CNBD1: variants seen among roughly 807,000 people sequenced by gnomAD.
The protein encoded by CNBD1 is cyclic nucleotide binding domain containing 1, also known as cyclic nucleotide-binding domain-containing protein 1.
Under a neutral mutation model 54.4 loss-of-function variants are expected in CNBD1, and 71 were observed. That is an observed-to-expected ratio of 1.30 (90% CI 1.08 to 1.59). The LOEUF (loss-of-function observed/expected upper bound fraction) is 1.59, where lower values mean the gene tolerates loss of function less well. Among genes scored for constraint, CNBD1 ranks in the 40% most tolerant of loss-of-function variants. CNBD1 has a pLI of 0.00. For missense variants in CNBD1, 659 were observed against 518.0 expected (o/e 1.27, Z -2.64); for synonymous variants, 182 against 170.7 (o/e 1.07, Z -0.51).
At chr8:86,973,791 T>A (rs578081179) in intron 4 of CNBD1, among the ~76,000 whole-genome samples, 6 of 152,298 alleles carry the variant, frequency 3.9e-5, no homozygotes, top group Admixed American at 2.6e-4. Flanking sequence ...TGACTCTTTT[T>A]CCAGTAGCAT....
intron 8 of CNBD1, among the ~76,000 whole-genome samples, chr8:87,293,549 CAAAAT>C (rs1359368891): frequency 6.6e-6 from 1 of 152,124 alleles, no homozygotes; most frequent in Non-Finnish European, 1.5e-5. Context: ...TCTCAAAAAA[CAAAAT>C]AAAATAAAAT....
intron 6 of CNBD1, among the ~76,000 whole-genome samples, chr8:87,258,056 T>A (rs1031917643): frequency 1.3e-5 from 2 of 152,148 alleles, no homozygotes; most frequent in East Asian, 3.9e-4. Flanking sequence ...ATGTTGACAA[T>A]GCTTCCCATG....
intron 8 of CNBD1, among the ~76,000 whole-genome samples, chr8:87,314,875 A>G (rs541431554): frequency 6.6e-6 from 1 of 152,176 alleles, no homozygotes; most frequent in East Asian, 1.9e-4. Context: ...AATGATGTAA[A>G]ATAAGACAGT....
chr8:86,872,870 T>G (rs1281596831), intron 1 of CNBD1, among the ~76,000 whole-genome samples: 1 of 152,120 alleles, frequency 6.6e-6, no homozygotes, highest in Non-Finnish European at 1.5e-5. Context: ...ATTCTGTGGG[T>G]TGTCTCTTCA....
intron 4 of CNBD1, among the ~76,000 whole-genome samples, chr8:86,983,294 G>C (rs369214248): frequency 2.0e-5 from 3 of 152,178 alleles, no homozygotes; most frequent in African/African-American, 7.2e-5. Context: ...CTTCTGCCAT[G>C]ATTGAGGCCG....
At chr8:87,117,969 A>G (rs1316526068) in intron 4 of CNBD1, among the ~76,000 whole-genome samples, 2 of 152,164 alleles carry the variant, frequency 1.3e-5, no homozygotes, top group Non-Finnish European at 1.5e-5. Context: ...TCTGGGGTAA[A>G]GACAATAATA....
At chr8:86,996,756 C>A (rs1476447397) in intron 4 of CNBD1, among the ~76,000 whole-genome samples, 3 of 152,150 alleles carry the variant, frequency 2.0e-5, no homozygotes, top group Admixed American at 6.5e-5. Context: ...ACTACTTTAG[C>A]CCATTTGGGC....
At chr8:87,230,981 T>G (rs1032880560) in intron 5 of CNBD1, among the ~76,000 whole-genome samples, 11 of 152,116 alleles carry the variant, frequency 7.2e-5, no homozygotes, top group African/African-American at 2.7e-4. Flanking sequence ...AAGAGACTTG[T>G]TTTTAAAGTC....
At chr8:87,212,552 A>T (rs2130802451) in intron 5 of CNBD1, among the ~76,000 whole-genome samples, 1 of 152,306 alleles carries the variant, frequency 6.6e-6, no homozygotes, top group African/African-American at 2.4e-5. Context: ...ATAATGTTTT[A>T]ACTTGATGGT....
intron 9 of CNBD1, among the ~76,000 whole-genome samples, chr8:87,352,920 T>C (rs1271608758): frequency 6.6e-6 from 1 of 152,180 alleles, no homozygotes; most frequent in Admixed American, 6.5e-5. Flanking sequence ...TAGTAAATGC[T>C]TTAGCCTCTT....
At chr8:86,966,745 G>A (rs930487575) in intron 4 of CNBD1, among the ~76,000 whole-genome samples, 4 of 152,198 alleles carry the variant, frequency 2.6e-5, no homozygotes, top group Non-Finnish European at 5.9e-5. Context: ...TGTGGTGAGT[G>A]TTACAGCTCA....
intron 4 of CNBD1, among the ~76,000 whole-genome samples, chr8:87,127,062 C>T (rs540052808): frequency 4.6e-5 from 7 of 151,882 alleles, no homozygotes; most frequent in Non-Finnish European, 8.8e-5. Flanking sequence ...CACTGGCTTG[C>T]TTACCATAGC....
chr8:87,227,087 G>T (rs1484705058), intron 5 of CNBD1, among the ~76,000 whole-genome samples: 49 of 151,752 alleles, frequency 3.2e-4, no homozygotes, highest in African/African-American at 6.3e-4. Context: ...GTTTTCCATT[G>T]GCTTGGTAGA....
chr8:87,221,204 C>G (rs2130808996), intron 5 of CNBD1, among the ~76,000 whole-genome samples: 1 of 152,190 alleles, frequency 6.6e-6, no homozygotes, highest in African/African-American at 2.4e-5. Context: ...CCATCTTAAA[C>G]CAGTCATACT....
At chr8:87,199,206 T>A (rs1813793572) in intron 4 of CNBD1, among the ~76,000 whole-genome samples, 1 of 152,154 alleles carries the variant, frequency 6.6e-6, no homozygotes, top group Non-Finnish European at 1.5e-5. Flanking sequence ...TCAATGGCAA[T>A]GGTGTCTCAA....
intron 4 of CNBD1, among the ~76,000 whole-genome samples, chr8:86,997,830 A>AT (rs769164927): frequency 6.6e-6 from 1 of 151,834 alleles, no homozygotes; most frequent in Non-Finnish European, 1.5e-5. Flanking sequence ...GTAGGGCCTA[A>AT]TTTTTCTTGG....
chr8:87,192,220 TA>T (rs759324470), intron 4 of CNBD1, among the ~76,000 whole-genome samples: 26 of 152,202 alleles, frequency 1.7e-4, no homozygotes, highest in Non-Finnish European at 3.7e-4. Context: ...GATGATGTTT[TA>T]AAATTATCCA....
At chr8:86,893,614 A>C (rs1808804776) in intron 2 of CNBD1, among the ~76,000 whole-genome samples, 1 of 152,094 alleles carries the variant, frequency 6.6e-6, no homozygotes, top group African/African-American at 2.4e-5. Flanking sequence ...TTCTTTCTCT[A>C]TTTCTATCCA....
intron 2 of CNBD1, among the ~76,000 whole-genome samples, chr8:86,904,323 T>A (rs574132722): frequency 1.3e-5 from 2 of 152,194 alleles, no homozygotes; most frequent in African/African-American, 4.8e-5. Flanking sequence ...TTTTAAAAAA[T>A]TGACCAACTT....
Sources: gnomAD v4.1 joint callset for allele counts (sites outside exome capture counted in the v4.1 genomes callset) on GRCh38, gnomAD v4.1.1 for gene constraint, MANE v1.5 for transcripts, NCBI Gene and HGNC (gene_info 2026-07-23, HGNC 2026-07-21) for gene names.